USP6NL: variants seen among roughly 807,000 people sequenced by gnomAD.
The protein encoded by USP6NL is USP6 N-terminal like.
A neutral mutation model predicts 61.9 loss-of-function variants in USP6NL; 26 were observed. That is an observed-to-expected ratio of 0.42 (90% confidence interval 0.31 to 0.58). The LOEUF (loss-of-function observed/expected upper bound fraction) is 0.58. Ranked by LOEUF, USP6NL falls within the 20% of genes least tolerant of loss-of-function variation. The probability of loss-of-function intolerance (pLI) is 0.16; values close to 1 mark genes in which losing one functional copy is unlikely to be tolerated. For synonymous variants in USP6NL, 432 were observed against 390.1 expected, an observed-to-expected ratio of 1.11 and a Z score of -1.27; for missense variants, 1,114 against 1,034.3, an observed-to-expected ratio of 1.08 and a Z score of -1.06.
chr10:11,557,313 A>T (rs914270928), intron 2 of USP6NL, among the ~76,000 whole-genome samples: 4 of 152,218 alleles, frequency 2.6e-5, no homozygotes, highest in African/African-American at 9.6e-5. Context: ...AAAGAGACAA[A>T]TAGAGCCCAA....
intron 5 of USP6NL, 94 bp from the exon 6 acceptor site, chr10:11,509,769 TAA>T: frequency 9.4e-7 from 1 of 1,059,218 alleles, no homozygotes; most frequent in Non-Finnish European, 1.4e-6. Context: ...AAAAAGGAAC[TAA>T]AAAAGTTATG....
rs575309240 is a variant in USP6NL, at chr10:11,482,484, C to T, written c.926-562G>A. On this transcript the variant is annotated intron_variant, in intron 13 of 14. Transcript: ENST00000609104. The surrounding 1 kb of genome is among the most constrained non-coding windows in gnomAD (Gnocchi z 4.0). ...ATTACATAATACCCTACATAATACA[C>T]CTCATTACATAACACCCTACAGGTA... Among the ~76,000 whole-genome samples the T allele has an allele frequency of 1.3e-5, 2 of 152,244 alleles. No individual in the cohort carries two copies. Among genetic ancestry groups the T allele is most frequent in the African/African-American group, 4.8e-5 (2 of 41,554 alleles).
chr10:11,611,481 C>A lies in USP6NL; in HGVS notation c.-122G>T, dbSNP rs1838899434. The A allele has an allele frequency of 6.3e-6, 1 of 157,520 alleles. No homozygotes were observed. Among genetic ancestry groups the A allele is most frequent in the South Asian group, 1.7e-4 (1 of 5,722 alleles). 9.8% of individuals were successfully genotyped at this position (157,520 alleles called of 1,614,324 possible). On this transcript the variant is annotated 5_prime_UTR_variant, in exon 1 of 15. Transcript: ENST00000609104. This position sits in a 1 kb window ranked among gnomAD's most constrained non-coding sequence, Gnocchi z 5.3. The stretch of plus-strand genomic sequence containing the variant: ...CGACTGCTAGGCTGTGGGCAGCGGA[C>A]AGAGCTGGCGGTCCCGGGCGGCCGA...
In USP6NL at chr10:11,525,264, C is replaced by T. The variant is rs758524860; in HGVS notation, c.155+122G>A. ...GAAACCTAGGAATTTAGTATCAAAA[C>T]GCATATTGTAAGACTATTCCTTATT... is the stretch of plus-strand genomic sequence containing the variant. On this transcript the variant is annotated intron_variant, in intron 4 of 14. Transcript: ENST00000609104. The surrounding 1 kb of genome is among the most constrained non-coding windows in gnomAD (Gnocchi z 5.0). 8.8e-6 allele frequency: 6 copies of T among 679,046 alleles called. No individual in the cohort carries two copies. Among genetic ancestry groups the T allele is most frequent in the Admixed American group, 3.8e-5 (1 of 26,374 alleles). 42.1% of individuals were successfully genotyped at this position (679,046 alleles called of 1,614,324 possible).
Position 11,491,550 on chromosome 10 carries a change from C to T in USP6NL, c.495-670G>A, listed in dbSNP as rs150359384. Among the ~76,000 whole-genome samples the T allele has an allele frequency of 3.4e-3, 520 of 152,302 alleles. 4 individuals are homozygous for T. Among genetic ancestry groups the T allele is most frequent in the African/African-American group, 0.012 (485 of 41,576 alleles). On this transcript the variant is annotated intron_variant, in intron 8 of 14. Coordinates refer to ENST00000609104, the MANE Select transcript of USP6NL (RefSeq NM_014688.5). This position sits in a 1 kb window ranked among gnomAD's most constrained non-coding sequence, Gnocchi z 4.7. ...GAAACTGCCACCCAACCACTTTGGGCTCCTTATGCCTCTGAACCAACAGGC... is the reference window on the plus strand; with the variant it reads ...GAAACTGCCACCCAACCACTTTGGGTTCCTTATGCCTCTGAACCAACAGGC...
intron 2 of USP6NL, among the ~76,000 whole-genome samples, chr10:11,550,558 C>G (rs749487666): frequency 6.6e-6 from 1 of 151,986 alleles, no homozygotes; most frequent in Non-Finnish European, 1.5e-5. Flanking sequence ...GAGTTCAAGA[C>G]CAGCCCAGCC....
intron 2 of USP6NL, among the ~76,000 whole-genome samples, chr10:11,541,636 T>G (rs1836072103): frequency 4.6e-5 from 7 of 152,064 alleles, no homozygotes; most frequent in Admixed American, 4.6e-4. Context: ...TGCCTTCAAG[T>G]CAATAGAAAG....
intron 10 of USP6NL, 105 bp downstream of exon 10, chr10:11,488,997 G>C: frequency 6.8e-7 from 1 of 1,462,306 alleles, no homozygotes; most frequent in Non-Finnish European, 9.2e-7. Flanking sequence ...CGAGCCCTGA[G>C]ACATTAAATT....
At chr10:11,566,760 A>G (rs752868984) in intron 2 of USP6NL, among the ~76,000 whole-genome samples, 12 of 152,376 alleles carry the variant, frequency 7.9e-5, no homozygotes, top group Non-Finnish European at 1.5e-4. Flanking sequence ...TGGAGAGTTC[A>G]GACCATATTC....
intron 14 of USP6NL, among the ~76,000 whole-genome samples, chr10:11,467,045 A>T (rs868150894): frequency 2.0e-5 from 3 of 152,270 alleles, no homozygotes; most frequent in Admixed American, 6.5e-5. Flanking sequence ...TCATCATTTC[A>T]ATCTGGGATC....
intron 5 of USP6NL, 73 bp from the exon 6 acceptor site, chr10:11,509,748 A>C: frequency 7.9e-7 from 1 of 1,262,928 alleles, no homozygotes; most frequent in Non-Finnish European, 1.1e-6. Context: ...ACTTCAAAGA[A>C]AATGCTTCTA....
Position 11,520,508 on chromosome 10 carries a change from G to C in USP6NL, c.156-1934C>G, listed in dbSNP as rs1476143785. Among the ~76,000 whole-genome samples the C allele has an allele frequency of 3.9e-5, 6 of 152,220 alleles. No individual in the cohort carries two copies. Among genetic ancestry groups the C allele is most frequent in the Non-Finnish European group, 8.8e-5 (6 of 68,038 alleles). On this transcript the variant is annotated intron_variant, in intron 4 of 14. Transcript: ENST00000609104. The surrounding 1 kb of genome is among the most constrained non-coding windows in gnomAD (Gnocchi z 5.2). ...ATGCCCAGAATACGTAAGTTGGCAT[G>C]CTGGAAGAGCTCAGTAAACGGTGCT...
intron 14 of USP6NL, among the ~76,000 whole-genome samples, chr10:11,471,671 T>C (rs1301665690): frequency 1.3e-5 from 2 of 152,108 alleles, no homozygotes; most frequent in African/African-American, 4.8e-5. Context: ...TTCATGTCCT[T>C]TGTAGGGACA....
At chr10:11,523,952 T>C (rs1566156831) in intron 4 of USP6NL, among the ~76,000 whole-genome samples, 1 of 152,202 alleles carries the variant, frequency 6.6e-6, no homozygotes, top group African/African-American at 2.4e-5. Context: ...TGGAACCCAC[T>C]GGTGTTAACA....
chr10:11,533,208 G>C (rs769943685), intron 2 of USP6NL, among the ~76,000 whole-genome samples: 2 of 152,196 alleles, frequency 1.3e-5, no homozygotes, highest in Non-Finnish European at 2.9e-5. Context: ...AATTAGACTG[G>C]TGCCAAAGTT....
At chr10:11,519,848 C>T (rs1835134102) in intron 4 of USP6NL, among the ~76,000 whole-genome samples, 1 of 152,128 alleles carries the variant, frequency 6.6e-6, no homozygotes, top group Non-Finnish European at 1.5e-5. Flanking sequence ...CTTTGAGTAG[C>T]TTTCTCAGTA....
chr10:11,567,242 A>C (rs890074079), intron 2 of USP6NL, among the ~76,000 whole-genome samples: 1 of 152,262 alleles, frequency 6.6e-6, no homozygotes, highest in African/African-American at 2.4e-5. Context: ...TTAATGGTTT[A>C]AACAATTCAA....
At chr10:11,609,593 T>C (rs1045982399) in intron 1 of USP6NL, among the ~76,000 whole-genome samples, 1 of 152,134 alleles carries the variant, frequency 6.6e-6, no homozygotes, top group Non-Finnish European at 1.5e-5. Flanking sequence ...CACTTTCTAA[T>C]CAGAGTAATT....
chr10:11,469,972 C>A (rs1832659619), intron 14 of USP6NL, among the ~76,000 whole-genome samples: 1 of 152,258 alleles, frequency 6.6e-6, no homozygotes. Context: ...CTGCCTAACA[C>A]CTCTGAATAG....
Sources: allele counts gnomAD v4.1 joint callset (sites outside exome capture counted in the v4.1 genomes callset), GRCh38; gene constraint gnomAD v4.1.1; non-coding constraint Gnocchi (gnomAD v3.1); transcripts MANE v1.5; gene names NCBI Gene and HGNC (gene_info 2026-07-23, HGNC 2026-07-21).